Variants in ZSCAN5A observed in about 807,000 individuals in gnomAD.
ZSCAN5A encodes zinc finger and SCAN domain containing 5A.
ZSCAN5A carries 12 observed loss-of-function variants against 23.7 expected under a neutral mutation model. The observed-to-expected ratio is 0.51, with a 90% confidence interval of 0.32 to 0.82. The LOEUF (loss-of-function observed/expected upper bound fraction) is 0.82. Among genes scored for constraint, ZSCAN5A ranks in the 40% least tolerant of loss-of-function variants. The pLI is 0.03. For synonymous variants in ZSCAN5A, 257 were observed against 239.9 expected (o/e 1.07, Z -0.66); for missense variants, 597 against 617.9 (o/e 0.97, Z 0.36).
intron 2 of ZSCAN5A, among the ~76,000 whole-genome samples, chr19:56,276,943 T>C (rs1019389592): frequency 6.6e-6 from 1 of 152,066 alleles, no homozygotes; most frequent in Non-Finnish European, 1.5e-5. Flanking sequence ...CAAATACTTA[T>C]ATTTACAAAA....
At chr19:56,315,918 T>C (rs992835271), upstream of ZSCAN5A, 1 of 152,234 alleles carries the variant, frequency 6.6e-6, no homozygotes, top group Non-Finnish European at 1.5e-5. Context: ...TCTTACCTTT[T>C]CTTTGGAGAT....
chr19:56,230,407 G>A (rs1048923421), intron 2 of ZSCAN5A, among the ~76,000 whole-genome samples: 42 of 152,296 alleles, frequency 2.8e-4, no homozygotes, highest in African/African-American at 1.0e-3. Flanking sequence ...ATTAACAAAG[G>A]TCACCAGGGT....
At chr19:56,248,806 C>T (rs983329309) in intron 2 of ZSCAN5A, among the ~76,000 whole-genome samples, 12 of 152,084 alleles carry the variant, frequency 7.9e-5, no homozygotes, top group Non-Finnish European at 1.8e-4. Flanking sequence ...TAGACTCCCT[C>T]CCCACACGGC....
intron 2 of ZSCAN5A, among the ~76,000 whole-genome samples, chr19:56,262,409 A>AT (rs542630700): frequency 0.011 from 1,589 of 142,112 alleles, 18 homozygotes; most frequent in African/African-American, 0.026. Flanking sequence ...CTCGTTTCTA[A>AT]TTTTTTTTTT....
intron 2 of ZSCAN5A, among the ~76,000 whole-genome samples, chr19:56,236,855 C>A (rs1262497192): frequency 4.7e-5 from 7 of 150,202 alleles, no homozygotes; most frequent in African/African-American, 1.7e-4. Flanking sequence ...TGACCGTGGG[C>A]CAAGCCTCCA....
chr19:56,240,946 C>T (rs567932302), intron 2 of ZSCAN5A, among the ~76,000 whole-genome samples: 7 of 152,146 alleles, frequency 4.6e-5, no homozygotes, highest in Non-Finnish European at 1.0e-4. Flanking sequence ...TAGGCTCAAG[C>T]AATCATACCA....
intron 2 of ZSCAN5A, among the ~76,000 whole-genome samples, chr19:56,354,877 G>A (rs980890469): frequency 6.6e-6 from 1 of 152,194 alleles, no homozygotes; most frequent in Non-Finnish European, 1.5e-5. Flanking sequence ...ATGCATATTA[G>A]AAAATCTTGT....
chr19:56,285,029 G>C (rs2039000386), intron 2 of ZSCAN5A: 1 of 985,288 alleles, frequency 1.0e-6, no homozygotes, highest in Non-Finnish European at 1.2e-6. Context: ...CGGATGGTAA[G>C]TGTCAGGATT....
rs532952053 is a variant in ZSCAN5A, at chr19:56,229,670, C to T, written c.-127-4497G>A. Among the ~76,000 whole-genome samples the T allele has an allele frequency of 3.3e-5, 5 of 152,276 alleles. No individual in the cohort carries two copies. In the South Asian group the frequency reaches 1.0e-3, roughly 32 times the overall value. On this transcript the variant is annotated intron_variant, in intron 2 of 5. Transcript: ENST00000683990. ...GCTGCCGTTGGTATTTTGGAAGAGA[C>T]CGCATCGAATCTGCTGATGTCTATT...
At chr19:56,286,720 A>C (rs2039151627) in intron 2 of ZSCAN5A, 1 of 152,202 alleles carries the variant, frequency 6.6e-6, no homozygotes, top group African/African-American at 2.4e-5. Context: ...CTCTGGTTGA[A>C]AGAGAATTGG....
At chr19:56,295,409 C>T (rs149481463) in intron 2 of ZSCAN5A, among the ~76,000 whole-genome samples, 154 of 152,116 alleles carry the variant, frequency 1.0e-3, no homozygotes, top group African/African-American at 3.4e-3. Flanking sequence ...GCCTGGCCAA[C>T]GTGGTGAAAC....
intron 2 of ZSCAN5A, chr19:56,272,929 C>T (rs949814508): frequency 1.0e-6 from 1 of 980,266 alleles, no homozygotes; most frequent in Non-Finnish European, 1.2e-6. Flanking sequence ...GGTAATGCTT[C>T]CAGCCATGCC....
intron 2 of ZSCAN5A, chr19:56,246,302 T>A (rs765300567): frequency 2.8e-6 from 1 of 353,610 alleles, no homozygotes; most frequent in Non-Finnish European, 5.1e-6. Flanking sequence ...TTGCTGTTGG[T>A]TTTCCATTGT....
intron 2 of ZSCAN5A, among the ~76,000 whole-genome samples, chr19:56,336,485 C>T (rs1487201812): frequency 2.0e-5 from 3 of 152,170 alleles, no homozygotes; most frequent in Non-Finnish European, 4.4e-5. Flanking sequence ...AGCCATTCGT[C>T]TAATTTTTTT....
intron 2 of ZSCAN5A, among the ~76,000 whole-genome samples, chr19:56,327,685 T>C (rs2147432478): frequency 6.6e-6 from 1 of 151,614 alleles, no homozygotes; most frequent in South Asian, 2.1e-4. Context: ...ATTTTATGTA[T>C]TCTATACAAA....
intron 2 of ZSCAN5A, among the ~76,000 whole-genome samples, chr19:56,229,418 G>C (rs1419048649): frequency 1.3e-5 from 2 of 152,188 alleles, no homozygotes; most frequent in African/African-American, 4.8e-5. Context: ...ATTTTGCCAA[G>C]AAATTGTAAC....
chr19:56,290,194 C>T (rs2147146389), intron 2 of ZSCAN5A, among the ~76,000 whole-genome samples: 1 of 152,330 alleles, frequency 6.6e-6, no homozygotes, highest in Non-Finnish European at 1.5e-5. Context: ...TTCTCAGGTG[C>T]TTCTGATGGT....
chr19:56,262,982 T>C (rs28706989), intron 2 of ZSCAN5A, among the ~76,000 whole-genome samples: 95 of 152,356 alleles, frequency 6.2e-4, no homozygotes, highest in African/African-American at 2.3e-3. Flanking sequence ...ATTTAGTAGA[T>C]TATAAATTCC....
chr19:56,227,031 G>C (rs79495821), intron 2 of ZSCAN5A, among the ~76,000 whole-genome samples: 8,956 of 152,238 alleles, frequency 0.059, 432 homozygotes, highest in East Asian at 0.3. Flanking sequence ...CTGGGGTAGG[G>C]GTTGGGAAGA....
Sources: allele counts gnomAD v4.1 joint callset (sites outside exome capture counted in the v4.1 genomes callset), GRCh38; gene constraint gnomAD v4.1.1; transcripts MANE v1.5; gene names NCBI Gene and HGNC (gene_info 2026-07-23, HGNC 2026-07-21).